ZNF592: variants seen among roughly 807,000 people sequenced by gnomAD.
The protein encoded by ZNF592 is zinc finger protein 592.
Under a neutral mutation model 80.3 loss-of-function variants are expected in ZNF592, and 11 were observed. That is an observed-to-expected ratio of 0.14 (90% confidence interval 0.09 to 0.23). The LOEUF (loss-of-function observed/expected upper bound fraction) is 0.23, where lower values mean the gene tolerates loss of function less well. Among genes scored for constraint, ZNF592 ranks in the 10% least tolerant of loss-of-function variants. The pLI is 1.00. For synonymous variants in ZNF592, 646 were observed against 640.3 expected (o/e 1.01, Z -0.13); for missense variants, 1,420 against 1,633.9 (o/e 0.87, Z 2.26).
intron 1 of ZNF592, among the ~76,000 whole-genome samples, chr15:84,749,619 G>C (rs1451968775): frequency 6.6e-6 from 1 of 152,180 alleles, no homozygotes; most frequent in Non-Finnish European, 1.5e-5. Flanking sequence ...GACGGTATTT[G>C]GCTTATGGTT....
At chr15:84,753,159 A>T (rs1899061979) in intron 1 of ZNF592, 1 of 152,262 alleles carries the variant, frequency 6.6e-6, no homozygotes, top group Non-Finnish European at 1.5e-5. Context: ...GTGAAACTTA[A>T]GGAATGGGAC....
intron 1 of ZNF592, among the ~76,000 whole-genome samples, chr15:84,752,792 C>T (rs1345919583): frequency 6.6e-6 from 1 of 152,128 alleles, no homozygotes; most frequent in Non-Finnish European, 1.5e-5. Flanking sequence ...GCTTCGTAGA[C>T]CAGAAATTTA....
chr15:84,797,794 C>A (rs1378156796), intron 5 of ZNF592, 75 bp from the exon 6 acceptor site: 7 of 1,547,798 alleles, frequency 4.5e-6, no homozygotes, highest in Non-Finnish European at 6.2e-6. Flanking sequence ...CTCCATCCCT[C>A]CTCTTGCAGC....
chr15:84,797,378 C>T (rs1163184236), intron 5 of ZNF592, among the ~76,000 whole-genome samples: 1 of 152,288 alleles, frequency 6.6e-6, no homozygotes, highest in East Asian at 1.9e-4. Context: ...GTGACCATAG[C>T]ATTGCCTGAC....
At chr15:84,762,140 G>A (rs1899370462) in intron 1 of ZNF592, among the ~76,000 whole-genome samples, 1 of 152,110 alleles carries the variant, frequency 6.6e-6, no homozygotes, top group Non-Finnish European at 1.5e-5. Context: ...TATGTGCCAG[G>A]CACTATTCTA....
chr15:84,749,558 G>A (rs1290476673), intron 1 of ZNF592, among the ~76,000 whole-genome samples: 1 of 152,250 alleles, frequency 6.6e-6, no homozygotes, highest in Non-Finnish European at 1.5e-5. Context: ...TTGGCATCCA[G>A]GACTAGTCTA....
intron 10 of ZNF592, 73 bp from the exon 11 acceptor site, chr15:84,801,790 G>A (rs1204055401): frequency 1.2e-6 from 2 of 1,611,934 alleles, no homozygotes; most frequent in African/African-American, 2.7e-5. Flanking sequence ...TGAGTCCTTG[G>A]GCTCATGGTT....
chr15:84,788,253 G>T (rs1401160653), intron 4 of ZNF592, among the ~76,000 whole-genome samples: 1 of 152,132 alleles, frequency 6.6e-6, no homozygotes, highest in East Asian at 1.9e-4. Flanking sequence ...ATAATATTCT[G>T]ATCCCTTCAT....
At position 84,798,603 on chromosome 15, in the gene ZNF592, C is replaced by T. The variant is rs1962995343; in HGVS notation, c.2752C>T (p.Pro918Ser). The T allele has an allele frequency of 3.7e-6, 6 of 1,614,104 alleles. No individual in the cohort carries two copies. The highest frequency in any genetic ancestry group is 4.2e-6 in the Non-Finnish European group (5 of 1,180,018). ...CCATCCCCAGAGCACCCACGGTGTT[C>T]CCCGAAATGTGGACGAGCTGTCAAG... ...MQHVKSTHGVPRNVDELSSLQ... is the reference protein window; with the variant it reads ...MQHVKSTHGVSRNVDELSSLQ... Residue 918 changes from proline (P) to serine (S), a missense_variant, in exon 8 of 11, where the codon CCC becomes TCC. Coordinates refer to ENST00000560079, the MANE Select transcript of ZNF592 (RefSeq NM_014630.3). The surrounding 1 kb of genome is among the most constrained non-coding windows in gnomAD (Gnocchi z 4.5).
rs1448545741 is a variant in ZNF592 at position 84,804,950 on chromosome 15, C to G, written c.*2557C>G. 2.0e-5 allele frequency: 3 copies of G among 152,196 alleles called. No individual in the cohort carries two copies. The highest frequency in any genetic ancestry group is 2.9e-5 in the Non-Finnish European group (2 of 68,040). The allele number at this position is 152,196 out of a possible 1,614,324, so 9.4% of individuals were successfully genotyped here. The stretch of plus-strand genomic sequence containing the variant: ...CGAGAGGTTAAACGATGTGCAGAGG[C>G]TACCTGTAGTGATGGTGCTGAGTCA... On this transcript the variant is annotated 3_prime_UTR_variant, in exon 11 of 11. Transcript: ENST00000560079.
At chr15:84,757,968 CCTTTTTTTTTTT>C (rs1253452167) in intron 1 of ZNF592, among the ~76,000 whole-genome samples, 4 of 148,550 alleles carry the variant, frequency 2.7e-5, no homozygotes, top group Non-Finnish European at 4.5e-5. Flanking sequence ...AGCCGTTAAT[CCTTTTTTTTTTT>C]CTTTTTTTTT....
rs1477171723 is a variant in ZNF592, at chr15:84,764,795, T to G, written c.-170T>G. ...CCCCTAGCAACGCTCGCCACACCCT[T>G]GTTTTGAGATCCTCTCTAAGGTATG... On this transcript the variant is annotated 5_prime_UTR_variant, in exon 2 of 11. Coordinates refer to ENST00000560079, the MANE Select transcript of ZNF592 (RefSeq NM_014630.3). 1 of 398,946 alleles carries G rather than the reference T, an allele frequency of 2.5e-6. No homozygotes were observed. Among genetic ancestry groups the G allele is most frequent in the African/African-American group, 2.1e-5 (1 of 48,712 alleles). The allele number at this position is 398,946 out of a possible 1,614,324, so 24.7% of individuals were successfully genotyped here.
chr15:84,779,968 CT>C (rs975200232), intron 3 of ZNF592, among the ~76,000 whole-genome samples: 1 of 148,482 alleles, frequency 6.7e-6, no homozygotes, highest in African/African-American at 2.5e-5. Context: ...TCCCCTCAAT[CT>C]TTTTTTCCTA....
rs1962972803 is a variant in ZNF592, at chr15:84,798,070, G to A, written c.2576+25G>A. 1 of 1,612,602 alleles carries A rather than the reference G, an allele frequency of 6.2e-7. No individual in the cohort carries two copies. Among genetic ancestry groups the A allele is most frequent in the Non-Finnish European group, 8.5e-7 (1 of 1,179,748 alleles). ...AGTGAGTGCAGCTCCAGGGCCAGCA[G>A]GCCCTGTGGAGCAGAGAGGAGTAGC... On this transcript the variant is annotated intron_variant, in intron 6 of 10. Transcript: ENST00000560079. The surrounding 1 kb of genome is among the most constrained non-coding windows in gnomAD (Gnocchi z 4.5).
At chr15:84,775,682 G>A (rs1407800482) in intron 2 of ZNF592, among the ~76,000 whole-genome samples, 2 of 152,080 alleles carry the variant, frequency 1.3e-5, no homozygotes, top group African/African-American at 4.8e-5. Flanking sequence ...TGCCCACCTC[G>A]GCCTCCCGAA....
Position 84,777,785 on chromosome 15 carries a change from C to T in ZNF592, c.-149-398C>T, listed in dbSNP as rs527556485. 1.1e-4 allele frequency among the ~76,000 whole-genome samples: 17 copies of T among 149,842 alleles called. No individual in the cohort carries two copies. In the South Asian group the frequency reaches 3.0e-3, roughly 26 times the overall value. On this transcript the variant is annotated intron_variant, in intron 2 of 10. Coordinates refer to ENST00000560079, the MANE Select transcript of ZNF592 (RefSeq NM_014630.3). ...CACGATCTCAGCTCACTGCACGCTC[C>T]GCCTCCCGGGTTTACGCCATTCCCC...
At chr15:84,780,202 G>T (rs1219874466) in intron 3 of ZNF592, among the ~76,000 whole-genome samples, 1 of 151,738 alleles carries the variant, frequency 6.6e-6, no homozygotes, top group Non-Finnish European at 1.5e-5. Context: ...GGCCAGGCTG[G>T]TCTCAAACTC....
intron 4 of ZNF592, among the ~76,000 whole-genome samples, chr15:84,789,482 T>C (rs28692945): frequency 0.017 from 2,574 of 152,334 alleles, 66 homozygotes; most frequent in African/African-American, 0.054. Context: ...ATGGTACTTC[T>C]GTGTTTAATT....
intron 4 of ZNF592, among the ~76,000 whole-genome samples, chr15:84,786,775 G>A (rs1436681218): frequency 6.6e-6 from 1 of 151,808 alleles, no homozygotes; most frequent in Non-Finnish European, 1.5e-5. Context: ...GGGCCATGAG[G>A]AGGCCCCATG....
Sources: allele counts gnomAD v4.1 joint callset (sites outside exome capture counted in the v4.1 genomes callset), GRCh38; gene constraint gnomAD v4.1.1; non-coding constraint Gnocchi (gnomAD v3.1); transcripts MANE v1.5; gene names NCBI Gene and HGNC (gene_info 2026-07-23, HGNC 2026-07-21).